GDF1: variants seen among roughly 807,000 people sequenced by gnomAD.
The protein encoded by GDF1 is growth differentiation factor 1.
Under a neutral mutation model 7.4 loss-of-function variants are expected in GDF1, and 8 were observed. The observed-to-expected ratio is 1.09, with a 90% CI of 0.64 to 1.96. The LOEUF is 1.96. Ranked by LOEUF, GDF1 falls within the 30% of genes most tolerant of loss-of-function variation. The probability of loss-of-function intolerance (pLI) is 0.00; values close to 1 mark genes in which losing one functional copy is unlikely to be tolerated. For missense variants in GDF1, 574 were observed against 551.5 expected (o/e 1.04, Z -0.41); for synonymous variants, 311 against 276.7 (o/e 1.12, Z -1.23).
At chr19:18,891,840 G>C (rs1027520656) in intron 2 of GDF1, among the ~76,000 whole-genome samples, 27 of 150,776 alleles carry the variant, frequency 1.8e-4, no homozygotes, top group African/African-American at 6.3e-4. Flanking sequence ...CAAAGTGTTA[G>C]GATTACAGGT....
At position 18,869,176 on chromosome 19, in the gene GDF1, C is replaced by T; in HGVS notation, c.540G>A (p.Pro180=). ...AGQGAGADPG[P]VLLRQLVPAL... ...CGGGCACCAACTGGCGGAGCAGCAC[C>T]GGCCCGGGGTCCGCGCCCGCGCCCT... Residue 180 remains proline, a synonymous_variant, in exon 8 of 8, where the codon CCG becomes CCA. Transcript: ENST00000247005. 8.7e-7 allele frequency: 1 copy of T among 1,154,882 alleles called. No homozygotes were observed. The highest frequency in any genetic ancestry group is 1.1e-6 in the Non-Finnish European group (1 of 939,662). The allele number at this position is 1,154,882 out of a possible 1,614,324, so 71.5% of individuals were successfully genotyped here.
Position 18,870,209 on chromosome 19 carries a change from T to C in GDF1, c.99A>G (p.Pro33=). 6.4e-7 allele frequency: 1 copy of C among 1,557,734 alleles called. No individual in the cohort carries two copies. The highest frequency in any genetic ancestry group is 1.4e-5 in the African/African-American group (1 of 74,058). ...SLPLTRAPVP[P]GPAAALLQAL... is the part of the protein sequence containing the mutation. ...CCTGGAGCAGGGCGGCGGCTGGGCC[T>C]GGGGGCACGGGGGCGCGGGTCAGGG... is the stretch of plus-strand genomic sequence containing the variant. The change falls in exon 7 of 8, where the codon CCA becomes CCG. Residue 33 remains proline (P), a synonymous_variant. Transcript: ENST00000247005. The surrounding 1 kb of genome is among the most constrained non-coding windows in gnomAD (Gnocchi z 5.1).
chr19:18,880,307 G>T lies in GDF1; in HGVS notation c.-604C>A. ...GCCGAAGCTGAGGCAGCCCAAGTCT[G>T]CTGCCAAGGCATGCAGCCGATGGTA... On this transcript the variant is annotated 5_prime_UTR_variant, in exon 4 of 8. Transcript: ENST00000247005. 1 of 1,552,488 alleles carries T rather than the reference G, an allele frequency of 6.4e-7. No homozygotes were observed. The highest frequency in any genetic ancestry group is 1.4e-5 in the African/African-American group (1 of 73,230).
chr19:18,880,538 C>T, intron 3 of GDF1, 103 bp from the exon 4 acceptor site: 1 of 1,178,566 alleles, frequency 8.5e-7, no homozygotes, highest in Non-Finnish European at 1.2e-6. Flanking sequence ...CTCAGGCTCC[C>T]CGTGGGCCTC....
chr19:18,869,876 C>G lies in GDF1; in HGVS notation c.325+107G>C, dbSNP rs1344512700. 4 of 1,096,150 alleles carry G rather than the reference C, an allele frequency of 3.6e-6. No individual in the cohort carries two copies. The African/African-American group carries it at 6.2e-5, about 17-fold the overall frequency. The allele number at this position is 1,096,150 out of a possible 1,614,324, so 67.9% of individuals were successfully genotyped here. ...GAAGTTGCTAGTAGCCTGGACAGGG[C>G]GGGTGGGGACCCTCGGAGCTGCTCG... is the stretch of plus-strand genomic sequence containing the variant. On this transcript the variant is annotated intron_variant, in intron 7 of 7. Coordinates refer to ENST00000247005, the MANE Select transcript of GDF1 (RefSeq NM_001492.6).
At chr19:18,885,381 T>A (rs1249675116) in intron 2 of GDF1, among the ~76,000 whole-genome samples, 2 of 151,678 alleles carry the variant, frequency 1.3e-5, no homozygotes, top group African/African-American at 4.8e-5. Context: ...ATTTCTTTTT[T>A]AATTTTTGTG....
chr19:18,896,037 C>T lies in GDF1; in HGVS notation c.-1287G>A. The T allele has an allele frequency of 3.0e-6, 3 of 990,204 alleles. No homozygotes were observed. The highest frequency in any genetic ancestry group is 9.0e-5 in the South Asian group (2 of 22,170). The allele number at this position is 990,204 out of a possible 1,614,324, so 61.3% of individuals were successfully genotyped here. On this transcript the variant is annotated 5_prime_UTR_variant, in exon 1 of 8. Transcript: ENST00000247005. The surrounding 1 kb of genome is among the most constrained non-coding windows in gnomAD (Gnocchi z 5.9). ...GCGCGTAGCTCGGCATGGGCTCGGGCCCCGTCGGCCCCGCCGCGGGCCCCG... is the reference window on the plus strand; with the variant it reads ...GCGCGTAGCTCGGCATGGGCTCGGGTCCCGTCGGCCCCGCCGCGGGCCCCG...
At chr19:18,891,914 A>G (rs565022358) in intron 2 of GDF1, among the ~76,000 whole-genome samples, 203 of 140,028 alleles carry the variant, frequency 1.4e-3, no homozygotes, top group African/African-American at 5.1e-3. Flanking sequence ...TTTTTTTGGA[A>G]ATGAAGTCTT....
intron 2 of GDF1, among the ~76,000 whole-genome samples, chr19:18,888,269 G>C (rs959558590): frequency 3.3e-5 from 5 of 152,066 alleles, no homozygotes; most frequent in Admixed American, 1.3e-4. Flanking sequence ...TGAGGCAGGA[G>C]AATCGCTTGA....
Position 18,884,098 on chromosome 19 carries a change from G to C in GDF1, c.-744C>G. 6.2e-7 allele frequency: 1 copy of C among 1,613,204 alleles called. No individual in the cohort carries two copies. The highest frequency in any genetic ancestry group is 8.5e-7 in the Non-Finnish European group (1 of 1,179,596). On this transcript the variant is annotated 5_prime_UTR_variant, in exon 3 of 8. Coordinates refer to ENST00000247005, the MANE Select transcript of GDF1 (RefSeq NM_001492.6). Reference sequence around the variant, plus strand: ...GATCCTGTCCTTACCGGAAGGCGTAGGAGGAGACGATGAGGATGAGAGTGA... The same window carrying C: ...GATCCTGTCCTTACCGGAAGGCGTACGAGGAGACGATGAGGATGAGAGTGA...
intron 2 of GDF1, among the ~76,000 whole-genome samples, chr19:18,891,107 G>C (rs1464043034): frequency 2.0e-5 from 3 of 150,842 alleles, no homozygotes; most frequent in Non-Finnish European, 4.4e-5. Flanking sequence ...CTGGGTGACA[G>C]AGTGAGACTG....
intron 2 of GDF1, among the ~76,000 whole-genome samples, chr19:18,892,396 T>G (rs879139147): frequency 6.6e-6 from 1 of 151,828 alleles, no homozygotes; most frequent in African/African-American, 2.4e-5. Context: ...GGGCAGATCA[T>G]GAGATCAGGA....
intron 6 of GDF1, among the ~76,000 whole-genome samples, chr19:18,871,511 C>T (rs1286122698): frequency 2.6e-5 from 4 of 152,138 alleles, no homozygotes; most frequent in East Asian, 1.9e-4. Context: ...CGTGAGCCAC[C>T]GTGCCTGGCC....
chr19:18,884,795 C>T (rs1253059173), intron 2 of GDF1, among the ~76,000 whole-genome samples: 1 of 138,918 alleles, frequency 7.2e-6, no homozygotes, highest in Non-Finnish European at 1.5e-5. Context: ...CTCACTGCAA[C>T]CTCCACCTCC....
At chr19:18,888,192 T>C (rs1272151156) in intron 2 of GDF1, among the ~76,000 whole-genome samples, 1 of 151,788 alleles carries the variant, frequency 6.6e-6, no homozygotes, top group African/African-American at 2.4e-5. Context: ...AAACCCCAGC[T>C]CTACTAAAAT....
At chr19:18,882,525 G>A (rs916097390) in intron 3 of GDF1, among the ~76,000 whole-genome samples, 4 of 151,500 alleles carry the variant, frequency 2.6e-5, no homozygotes, top group African/African-American at 9.7e-5. Flanking sequence ...CCAGCTACTT[G>A]GGAGGCTGAG....
chr19:18,880,469 C>G, intron 3 of GDF1, 34 bp from the exon 4 acceptor site: 1 of 1,544,386 alleles, frequency 6.5e-7, no homozygotes, highest in Non-Finnish European at 8.8e-7. Context: ...GAGAGGGCAG[C>G]TCACATTGGG....
At chr19:18,880,590 C>T (rs2056180625) in intron 3 of GDF1, among the ~76,000 whole-genome samples, 155 bp from the exon 4 acceptor site, 1 of 152,034 alleles carries the variant, frequency 6.6e-6, no homozygotes, top group South Asian at 2.1e-4. Context: ...TGCCCATCTC[C>T]ACTTCCCAGG....
chr19:18,869,986 G>A lies in GDF1; in HGVS notation c.322C>T (p.Arg108Cys). The change falls in exon 7 of 8, where the codon CGC becomes TGC. Residue 108 changes from arginine to cysteine, a missense_variant. By Grantham distance (180) the Arg-to-Cys change is radical (BLOSUM62 -3). Coordinates refer to ENST00000247005, the MANE Select transcript of GDF1 (RefSeq NM_001492.6). ...CCCCAGCGAAAGCCCCACTCACCGCGGTCCGGGATGTGGCGCACGATGTTT... is the reference window on the plus strand; with the variant it reads ...CCCCAGCGAAAGCCCCACTCACCGCAGTCCGGGATGTGGCGCACGATGTTT... ...AGNIVRHIPD[R>C]GAPTRASEPA... 7 of 1,588,926 alleles carry A rather than the reference G, an allele frequency of 4.4e-6. No homozygotes were observed. Among genetic ancestry groups the A allele is most frequent in the African/African-American group, 1.3e-5 (1 of 74,414 alleles).
Sources: allele counts gnomAD v4.1 joint callset (sites outside exome capture counted in the v4.1 genomes callset), GRCh38; gene constraint gnomAD v4.1.1; non-coding constraint Gnocchi (gnomAD v3.1); transcripts MANE v1.5; gene names NCBI Gene and HGNC (gene_info 2026-07-23, HGNC 2026-07-21).